Variants in SLC16A10 observed in about 807,000 individuals in gnomAD.
SLC16A10 encodes solute carrier family 16 member 10.
A neutral mutation model predicts 40.0 loss-of-function variants in SLC16A10; 27 were observed. That is an observed-to-expected ratio of 0.67 (90% CI 0.50 to 0.93). The LOEUF (loss-of-function observed/expected upper bound fraction) is 0.93, where lower values mean the gene tolerates loss of function less well. Ranked by LOEUF, SLC16A10 falls within the 40% of genes least tolerant of loss-of-function variation. SLC16A10 has a pLI of 0.00. For synonymous variants in SLC16A10, 213 were observed against 249.8 expected, an observed-to-expected ratio of 0.85 and a Z score of 1.39; for missense variants, 529 against 658.2, an observed-to-expected ratio of 0.80 and a Z score of 2.15.
At chr6:111,209,796 T>C (rs1773317088) in intron 4 of SLC16A10, among the ~76,000 whole-genome samples, 2 of 152,102 alleles carry the variant, frequency 1.3e-5, no homozygotes, top group Admixed American at 1.3e-4. Context: ...AAGGTTTTCA[T>C]TGAATTTAGA....
intron 1 of SLC16A10, among the ~76,000 whole-genome samples, chr6:111,133,855 C>T (rs191277946): frequency 6.6e-6 from 1 of 152,234 alleles, no homozygotes; most frequent in East Asian, 1.9e-4. Context: ...GAGAAGAATT[C>T]GGCCCAGCCA....
chr6:111,150,962 G>T (rs1772162907), intron 1 of SLC16A10, among the ~76,000 whole-genome samples: 1 of 152,086 alleles, frequency 6.6e-6, no homozygotes, highest in Non-Finnish European at 1.5e-5. Context: ...ATCTAAATTT[G>T]CAAATGTGAG....
intron 3 of SLC16A10, among the ~76,000 whole-genome samples, chr6:111,199,950 C>T (rs1773142636): frequency 6.6e-6 from 1 of 152,054 alleles, no homozygotes; most frequent in African/African-American, 2.4e-5. Flanking sequence ...TTTTTCTGCC[C>T]TTTGGTAGCT....
At chr6:111,211,940 G>T (rs990157766) in intron 4 of SLC16A10, among the ~76,000 whole-genome samples, 2 of 152,184 alleles carry the variant, frequency 1.3e-5, no homozygotes, top group African/African-American at 4.8e-5. Flanking sequence ...CATTGGTGGT[G>T]TGTTTTCTCA....
intron 1 of SLC16A10, among the ~76,000 whole-genome samples, chr6:111,145,231 C>A (rs1772055210): frequency 2.0e-5 from 3 of 150,808 alleles, no homozygotes; most frequent in Non-Finnish European, 4.4e-5. Context: ...TGGCAAGACC[C>A]CATCTCTATC....
intron 1 of SLC16A10, among the ~76,000 whole-genome samples, chr6:111,153,058 G>T (rs1055140887): frequency 3.3e-5 from 5 of 152,154 alleles, no homozygotes; most frequent in Non-Finnish European, 7.4e-5. Flanking sequence ...GGAAGATCAA[G>T]GGAGAGAGAG....
chr6:111,166,565 G>T (rs757529174), intron 1 of SLC16A10, among the ~76,000 whole-genome samples: 5 of 152,166 alleles, frequency 3.3e-5, no homozygotes, highest in Non-Finnish European at 7.3e-5. Flanking sequence ...AGGCCAAGAT[G>T]GAGTGGAAAT....
At chr6:111,179,120 C>A (rs1430596065) in intron 3 of SLC16A10, among the ~76,000 whole-genome samples, 1 of 57,212 alleles carries the variant, frequency 1.7e-5, no homozygotes, top group Non-Finnish European at 4.3e-5. Flanking sequence ...AGCCACCACA[C>A]CCAGCTTTAA....
chr6:111,214,171 T>G (rs1375306706), intron 4 of SLC16A10, among the ~76,000 whole-genome samples: 4 of 152,318 alleles, frequency 2.6e-5, no homozygotes, highest in Non-Finnish European at 5.9e-5. Context: ...ATAACAAGTA[T>G]TATATATTTA....
intron 1 of SLC16A10, among the ~76,000 whole-genome samples, chr6:111,111,906 C>T (rs1200204174): frequency 6.6e-6 from 1 of 152,178 alleles, no homozygotes; most frequent in African/African-American, 2.4e-5. Context: ...CATCTCTCTT[C>T]TATCCTTTGT....
chr6:111,164,468 C>T lies in SLC16A10; in HGVS notation c.344-8227C>T, dbSNP rs570683489. 6.6e-5 allele frequency among the ~76,000 whole-genome samples: 10 copies of T among 152,088 alleles called. 1 individual carries two copies. The South Asian group carries it at 2.1e-3, about 32-fold the overall frequency. On this transcript the variant is annotated intron_variant, in intron 1 of 5. Coordinates refer to ENST00000368851, the MANE Select transcript of SLC16A10 (RefSeq NM_018593.5). ...AGCAAGGTGAACAATTTTCAAAAGC[C>T]CAAGAAGCAGGCTGGGTGTGGTGGC...
chr6:111,222,200 G>A lies in SLC16A10; in HGVS notation c.1513G>A (p.Gly505Arg). ...NQNSLLSSSS[G>R]MFKKESDSII ...GAACTCTCTGCTGTCAAGTTCATCTGGAATGTTCAAGAAAGAATCTGACTC... is the reference window on the plus strand; with the variant it reads ...GAACTCTCTGCTGTCAAGTTCATCTAGAATGTTCAAGAAAGAATCTGACTC... Residue 505 changes from glycine to arginine, a missense_variant, in exon 6 of 6, where the codon GGA (glycine) becomes AGA (arginine). Transcript: ENST00000368851. 1.9e-6 allele frequency: 3 copies of A among 1,605,848 alleles called. No homozygotes were observed. Among genetic ancestry groups the A allele is most frequent in the Non-Finnish European group, 2.5e-6 (3 of 1,177,654 alleles).
At position 111,231,011 on chromosome 6, in the gene SLC16A10, AAAAAT is replaced by A. The variant is rs1158970224; in HGVS notation, c.*8777_*8781del. On this transcript the variant is annotated 3_prime_UTR_variant, in exon 6 of 6. Transcript: ENST00000368851. ...GTATGCAGTATTTTAGTACTTTTTA[AAAAAT>A]GTATGCTTCTTTTTGAAGACTATAA... 1 of 152,156 alleles carries A rather than the reference AAAAAT, an allele frequency of 6.6e-6. No homozygotes were observed. The highest frequency in any genetic ancestry group is 1.9e-4 in the East Asian group (1 of 5,196). The allele number at this position is 152,156 out of a possible 1,614,324, so 9.4% of individuals were successfully genotyped here.
chr6:111,100,221 G>T (rs561594684), intron 1 of SLC16A10, among the ~76,000 whole-genome samples: 1 of 152,040 alleles, frequency 6.6e-6, no homozygotes, highest in South Asian at 2.1e-4. Context: ...TTCAATACAC[G>T]GGTGTCTGTA....
intron 1 of SLC16A10, among the ~76,000 whole-genome samples, chr6:111,100,314 A>G (rs1050406668): frequency 4.3e-4 from 66 of 152,228 alleles, no homozygotes; most frequent in African/African-American, 1.3e-3. Flanking sequence ...GAATTTAAAT[A>G]AAAATAAATT....
intron 5 of SLC16A10, among the ~76,000 whole-genome samples, chr6:111,221,378 T>A (rs949701345): frequency 6.6e-6 from 1 of 152,224 alleles, no homozygotes; most frequent in African/African-American, 2.4e-5. Flanking sequence ...TTATTAAATT[T>A]AAAATTTTTC....
intron 1 of SLC16A10, among the ~76,000 whole-genome samples, chr6:111,109,749 GC>G (rs1435833374): frequency 1.3e-5 from 2 of 152,042 alleles, no homozygotes; most frequent in Non-Finnish European, 1.5e-5. Context: ...ATCACACCTG[GC>G]CTACCACAAT....
chr6:111,099,783 G>A, intron 1 of SLC16A10, among the ~76,000 whole-genome samples: 1 of 152,102 alleles, frequency 6.6e-6, no homozygotes, highest in East Asian at 1.9e-4. Context: ...ATCACTTTGG[G>A]AGGCTGAGGC....
At chr6:111,167,074 G>T (rs1007593503) in intron 1 of SLC16A10, among the ~76,000 whole-genome samples, 3 of 152,230 alleles carry the variant, frequency 2.0e-5, no homozygotes, top group African/African-American at 7.2e-5. Flanking sequence ...GGAAGGTAGA[G>T]AAATCTCTTA....
Sources: gnomAD v4.1 joint callset for allele counts (sites outside exome capture counted in the v4.1 genomes callset) on GRCh38, gnomAD v4.1.1 for gene constraint, MANE v1.5 for transcripts, NCBI Gene and HGNC (gene_info 2026-07-23, HGNC 2026-07-21) for gene names.